Variants in GSE1 observed in about 807,000 individuals in gnomAD.
GSE1 encodes Gse1 coiled-coil protein, also known as genetic suppressor element 1.
In GSE1, 32 loss-of-function variants were observed where a neutral mutation model predicts 112.6. The ratio of observed to expected loss-of-function variants is 0.28; its 90% confidence interval spans 0.21 to 0.38. GSE1 has a LOEUF of 0.38. Ranked by LOEUF, GSE1 falls within the 10% of genes least tolerant of loss-of-function variation. GSE1 has a pLI of 1.00. For synonymous variants in GSE1, 1,115 were observed against 735.6 expected, an observed-to-expected ratio of 1.52 and a Z score of -8.35; for missense variants, 2,348 against 1,699.2, an observed-to-expected ratio of 1.38 and a Z score of -6.71.
At chr16:85,556,383 C>T in intron 1 of GSE1, 1 of 982,064 alleles carries the variant, frequency 1.0e-6, no homozygotes, top group Non-Finnish European at 1.2e-6. Context: ...CCGTGCGCCT[C>T]CCTGGGTCCC....
At chr16:85,617,213 C>G (rs539106754) in intron 1 of GSE1, among the ~76,000 whole-genome samples, 2 of 152,340 alleles carry the variant, frequency 1.3e-5, no homozygotes, top group Admixed American at 6.5e-5. Context: ...ATGCCCACCC[C>G]GTGTCTGGAA....
intron 2 of GSE1, among the ~76,000 whole-genome samples, chr16:85,443,010 C>T (rs2049417958): frequency 2.6e-5 from 4 of 152,246 alleles, no homozygotes; most frequent in Admixed American, 6.5e-5. Flanking sequence ...CCTGTGAGCT[C>T]TGTGTCTTCT....
At position 85,385,603 on chromosome 16, in the gene GSE1, C is replaced by T. The variant is rs543632619; in HGVS notation, c.2464+27960C>T. Among the ~76,000 whole-genome samples the T allele has an allele frequency of 8.1e-4, 123 of 152,322 alleles. 1 individual carries two copies. Among genetic ancestry groups the T allele is most frequent in the Middle Eastern group, 6.8e-3 (2 of 294 alleles). ...CGCAGCCTCTGCACCCAGCAAGTCC[C>T]GTGGCACCCCCAGGGCCAGCCTGGC... On this transcript the variant is annotated intron_variant, in intron 2 of 2. Transcript: ENST00000637419.
chr16:85,237,946 A>G (rs1349434157), intron 1 of GSE1, among the ~76,000 whole-genome samples: 1 of 152,156 alleles, frequency 6.6e-6, no homozygotes, highest in African/African-American at 2.4e-5. Context: ...GGCCTGGGAC[A>G]TCGTAGGAGT....
chr16:85,667,701 A>G (rs1179311067), intron 13 of GSE1, among the ~76,000 whole-genome samples: 1 of 152,202 alleles, frequency 6.6e-6, no homozygotes, highest in Non-Finnish European at 1.5e-5. Context: ...TCTACTAAAA[A>G]TGCAAAAATT....
At chr16:85,527,743 C>A (rs1023298543) in intron 2 of GSE1, among the ~76,000 whole-genome samples, 2 of 152,204 alleles carry the variant, frequency 1.3e-5, no homozygotes, top group Non-Finnish European at 2.9e-5. Flanking sequence ...AGAGAGCGCA[C>A]GGGCTTGCCC....
chr16:85,386,081 C>T (rs1293372286), intron 2 of GSE1, among the ~76,000 whole-genome samples: 3 of 152,206 alleles, frequency 2.0e-5, no homozygotes, highest in Non-Finnish European at 4.4e-5. Context: ...CAAGGCCTCT[C>T]TGTGACAGGT....
At chr16:85,437,291 G>A (rs1156304542) in intron 2 of GSE1, among the ~76,000 whole-genome samples, 1 of 152,168 alleles carries the variant, frequency 6.6e-6, no homozygotes, top group African/African-American at 2.4e-5. Flanking sequence ...AAAAGAAGTG[G>A]GGGAGGGGCG....
chr16:85,560,740 C>T (rs1421409758), intron 1 of GSE1, among the ~76,000 whole-genome samples: 1 of 152,132 alleles, frequency 6.6e-6, no homozygotes, highest in Non-Finnish European at 1.5e-5. Flanking sequence ...TCCTGAACTC[C>T]ACCAGGCTGC....
chr16:85,212,701 A>G (rs945170540), intron 1 of GSE1, among the ~76,000 whole-genome samples: 1 of 152,162 alleles, frequency 6.6e-6, no homozygotes, highest in African/African-American at 2.4e-5. Flanking sequence ...TGCCCAAGAA[A>G]ACTAATATGA....
chr16:85,345,594 C>A (rs2046717869), intron 1 of GSE1, among the ~76,000 whole-genome samples: 1 of 152,208 alleles, frequency 6.6e-6, no homozygotes, highest in African/African-American at 2.4e-5. Flanking sequence ...GATATCTCTA[C>A]CATTGCCCAC....
chr16:85,514,955 G>C (rs1194135796), intron 2 of GSE1, among the ~76,000 whole-genome samples: 3 of 152,184 alleles, frequency 2.0e-5, no homozygotes, highest in Non-Finnish European at 4.4e-5. Context: ...TTGCCTATGA[G>C]TGTGCATGTG....
At chr16:85,582,671 G>A (rs768402726) in intron 1 of GSE1, among the ~76,000 whole-genome samples, 12 of 152,236 alleles carry the variant, frequency 7.9e-5, no homozygotes, top group Non-Finnish European at 8.8e-5. Flanking sequence ...AGTCCTCCCC[G>A]TGTTGATAAA....
intron 1 of GSE1, among the ~76,000 whole-genome samples, chr16:85,248,383 C>A (rs1409843792): frequency 6.6e-6 from 1 of 152,106 alleles, no homozygotes; most frequent in Non-Finnish European, 1.5e-5. Flanking sequence ...TATCTCTCCC[C>A]TTTTTTCCCT....
intron 2 of GSE1, among the ~76,000 whole-genome samples, chr16:85,423,332 A>G (rs1291780692): frequency 6.6e-6 from 1 of 152,172 alleles, no homozygotes; most frequent in Non-Finnish European, 1.5e-5. Context: ...GGCCTCACCC[A>G]TCGCTGCCTC....
At chr16:85,633,029 G>GCCGCCA (rs1567684544) in intron 1 of GSE1, among the ~76,000 whole-genome samples, 1 of 152,074 alleles carries the variant, frequency 6.6e-6, no homozygotes, top group African/African-American at 2.4e-5. Flanking sequence ...CGCCGCCGCC[G>GCCGCCA]CTGTCACCAC....
intron 2 of GSE1, among the ~76,000 whole-genome samples, chr16:85,363,595 G>A (rs2047127324): frequency 6.6e-6 from 1 of 152,224 alleles, no homozygotes; most frequent in Admixed American, 6.5e-5. Flanking sequence ...AGCAGAGGAA[G>A]GAGGGAGCGA....
chr16:85,588,443 G>A (rs977197251), intron 1 of GSE1, among the ~76,000 whole-genome samples: 3 of 152,196 alleles, frequency 2.0e-5, no homozygotes, highest in Non-Finnish European at 4.4e-5. Context: ...ATCCTCAAGG[G>A]CCCTGAAAGA....
chr16:85,320,150 G>A (rs1597384725), intron 1 of GSE1, among the ~76,000 whole-genome samples: 2 of 152,232 alleles, frequency 1.3e-5, no homozygotes, highest in Admixed American at 6.5e-5. Context: ...TGTTGCTGCC[G>A]TTCTTGGGGC....
Sources: gnomAD v4.1 joint callset for allele counts (sites outside exome capture counted in the v4.1 genomes callset) on GRCh38, gnomAD v4.1.1 for gene constraint, MANE v1.5 for transcripts, NCBI Gene and HGNC (gene_info 2026-07-23, HGNC 2026-07-21) for gene names.